NOTCH2: variants seen among roughly 807,000 people sequenced by gnomAD.
NOTCH2 encodes neurogenic locus notch homolog protein 2.
A neutral mutation model predicts 235.8 loss-of-function variants in NOTCH2; 29 were observed. The observed-to-expected ratio is 0.12, with a 90% confidence interval of 0.09 to 0.17. NOTCH2 has a LOEUF of 0.17. Ranked by LOEUF, NOTCH2 falls within the 10% of genes least tolerant of loss-of-function variation. The probability of loss-of-function intolerance (pLI) is 1.00; values close to 1 mark genes in which losing one functional copy is unlikely to be tolerated. For synonymous variants in NOTCH2, 1,086 were observed against 1,141.5 expected, an observed-to-expected ratio of 0.95 and a Z score of 0.98; for missense variants, 2,285 against 3,150.2, an observed-to-expected ratio of 0.73 and a Z score of 6.57.
chr1:119,985,085 G>A (rs1482016681), intron 5 of NOTCH2, among the ~76,000 whole-genome samples: 1 of 152,172 alleles, frequency 6.6e-6, no homozygotes, highest in Non-Finnish European at 1.5e-5. Flanking sequence ...CTAGATGCAT[G>A]AGAAGGAGAC....
At chr1:119,951,960 A>C (rs1650491629) in intron 14 of NOTCH2, among the ~76,000 whole-genome samples, 1 of 152,266 alleles carries the variant, frequency 6.6e-6, no homozygotes, top group Admixed American at 6.5e-5. Flanking sequence ...GTAATACAAT[A>C]TATCAGAAAA....
At chr1:119,978,801 T>G (rs1322918655) in intron 5 of NOTCH2, among the ~76,000 whole-genome samples, 1 of 152,156 alleles carries the variant, frequency 6.6e-6, no homozygotes, top group Non-Finnish European at 1.5e-5. Context: ...AAAAACTAGC[T>G]GCAGCCAGGT....
At chr1:119,968,327 A>G (rs1651225479) in intron 6 of NOTCH2, 95 bp from the exon 7 acceptor site, 8 of 1,289,372 alleles carry the variant, frequency 6.2e-6, no homozygotes, top group African/African-American at 1.5e-5. Flanking sequence ...CCTCATGATC[A>G]GTTCCTCAGA....
At chr1:119,966,094 A>G (rs1009306001) in intron 9 of NOTCH2, among the ~76,000 whole-genome samples, 1 of 152,232 alleles carries the variant, frequency 6.6e-6, no homozygotes, top group Non-Finnish European at 1.5e-5. Flanking sequence ...AATAGCCTAC[A>G]ACTAAGGCTT....
chr1:120,067,737 C>T (rs1289289278), intron 1 of NOTCH2, among the ~76,000 whole-genome samples: 1 of 152,146 alleles, frequency 6.6e-6, no homozygotes, highest in Non-Finnish European at 1.5e-5. Flanking sequence ...GCAAAAACAC[C>T]ATCATATATG....
chr1:119,924,423 G>A (rs191266091), intron 25 of NOTCH2, among the ~76,000 whole-genome samples: 1 of 152,264 alleles, frequency 6.6e-6, no homozygotes, highest in East Asian at 1.9e-4. Context: ...TTGCCATACA[G>A]AGAACAATAT....
At chr1:119,996,933 A>G in intron 4 of NOTCH2, 64 bp downstream of exon 4, 1 of 1,574,098 alleles carries the variant, frequency 6.4e-7, no homozygotes, top group South Asian at 1.1e-5. Context: ...CAATTGAGCC[A>G]CACCCACTAC....
At chr1:119,952,018 A>G (rs1650493601) in intron 14 of NOTCH2, among the ~76,000 whole-genome samples, 2 of 152,384 alleles carry the variant, frequency 1.3e-5, no homozygotes, top group South Asian at 4.1e-4. Flanking sequence ...AATCAAATAA[A>G]GTGGCTCTAA....
chr1:119,920,074 T>C (rs769091125), intron 30 of NOTCH2, among the ~76,000 whole-genome samples, 155 bp downstream of exon 30: 79 of 152,338 alleles, frequency 5.2e-4, no homozygotes, highest in Non-Finnish European at 8.4e-4. Context: ...AATTTCTTTG[T>C]GGCTACATTC....
At chr1:119,957,111 A>G (rs1650735244) in intron 12 of NOTCH2, among the ~76,000 whole-genome samples, 1 of 152,266 alleles carries the variant, frequency 6.6e-6, no homozygotes, top group Non-Finnish European at 1.5e-5. Flanking sequence ...ATTCAGCAAC[A>G]TTCACTAAGC....
At chr1:119,917,137 A>G (rs1319664420) in intron 33 of NOTCH2, among the ~76,000 whole-genome samples, 1 of 151,806 alleles carries the variant, frequency 6.6e-6, no homozygotes, top group African/African-American at 2.4e-5. Context: ...AAACTAAGGC[A>G]TGCACAGAAC....
chr1:120,036,874 A>G (rs1382049486), intron 1 of NOTCH2, among the ~76,000 whole-genome samples: 2 of 152,072 alleles, frequency 1.3e-5, no homozygotes, highest in Non-Finnish European at 2.9e-5. Context: ...TCCTCTAGGC[A>G]TTTACCTAAG....
At chr1:119,967,376 GAGA>G in intron 8 of NOTCH2, 54 bp downstream of exon 8, 1 of 1,459,254 alleles carries the variant, frequency 6.9e-7, no homozygotes, top group East Asian at 2.3e-5. Context: ...GCTCTACCAA[GAGA>G]AGTTCAGAAC....
intron 5 of NOTCH2, 129 bp from the exon 6 acceptor site, chr1:119,969,873 G>T: frequency 1.2e-6 from 1 of 833,866 alleles, no homozygotes. Flanking sequence ...CCAGAAGGCT[G>T]GGTCTTCACA....
intron 15 of NOTCH2, among the ~76,000 whole-genome samples, chr1:119,949,638 G>A (rs587663198): frequency 1.2e-4 from 19 of 152,072 alleles, no homozygotes; most frequent in South Asian, 1.0e-3. Flanking sequence ...CGCCTGCCTC[G>A]GCCTCCCAAA....
At chr1:119,999,917 G>GAGAGAGAA (rs1652651525) in intron 3 of NOTCH2, among the ~76,000 whole-genome samples, 2 of 91,100 alleles carry the variant, frequency 2.2e-5, no homozygotes, top group Admixed American at 1.3e-4. Flanking sequence ...GAGAAAGAGA[G>GAGAGAGAA]AGAAAGAAAG....
At chr1:119,958,748 G>A (rs1207335279) in intron 12 of NOTCH2, among the ~76,000 whole-genome samples, 3 of 151,894 alleles carry the variant, frequency 2.0e-5, no homozygotes, top group African/African-American at 7.3e-5. Flanking sequence ...GTGTCTGTGT[G>A]TGCGTGTGCA....
At position 119,987,132 on chromosome 1, in the gene NOTCH2, C is replaced by A. The variant is rs201447933; in HGVS notation, c.752-50G>T. 1.9e-6 allele frequency: 3 copies of A among 1,608,704 alleles called. No individual in the cohort carries two copies. In the African/African-American group the frequency reaches 4.0e-5, roughly 22 times the overall value. On this transcript the variant is annotated intron_variant, in intron 4 of 33. Coordinates refer to ENST00000256646, the MANE Select transcript of NOTCH2 (RefSeq NM_024408.4). The stretch of plus-strand genomic sequence containing the variant: ...ATGATGAAATCTCATACAGAAGAAA[C>A]GACCTGCTCTGTTCCCACAGAACAT...
At chr1:119,930,656 G>A (rs782389412) in intron 22 of NOTCH2, among the ~76,000 whole-genome samples, 1 of 151,862 alleles carries the variant, frequency 6.6e-6, no homozygotes, top group Non-Finnish European at 1.5e-5. Context: ...GTACATGTCT[G>A]TAATCTCAGC....
Sources: gnomAD v4.1 joint callset for allele counts (sites outside exome capture counted in the v4.1 genomes callset) on GRCh38, gnomAD v4.1.1 for gene constraint, MANE v1.5 for transcripts, NCBI Gene and HGNC (gene_info 2026-07-23, HGNC 2026-07-21) for gene names.